EPB41: variants seen among roughly 807,000 people sequenced by gnomAD.
EPB41 encodes the protein protein 4.1.
In EPB41, 65 loss-of-function variants were observed where a neutral mutation model predicts 108.0. The observed-to-expected ratio is 0.60, with a 90% confidence interval of 0.49 to 0.74. The LOEUF (loss-of-function observed/expected upper bound fraction) is 0.74, where lower values mean the gene tolerates loss of function less well. Among genes scored for constraint, EPB41 ranks in the 30% least tolerant of loss-of-function variants. The pLI, the probability that EPB41 is intolerant of heterozygous loss-of-function variation, is 0.00. For synonymous variants in EPB41, 336 were observed against 358.9 expected, an observed-to-expected ratio of 0.94 and a Z score of 0.72; for missense variants, 875 against 1,037.0, an observed-to-expected ratio of 0.84 and a Z score of 2.15.
intron 1 of EPB41, among the ~76,000 whole-genome samples, chr1:28,983,368 A>G (rs986570712): frequency 1.3e-5 from 2 of 152,196 alleles, no homozygotes; most frequent in African/African-American, 4.8e-5. Context: ...GGCATTTTGC[A>G]GTACGTTCTC....
At chr1:29,096,642 C>A in intron 16 of EPB41, 1 of 967,296 alleles carries the variant, frequency 1.0e-6, no homozygotes, top group Non-Finnish European at 1.2e-6. Flanking sequence ...TAATGACTGT[C>A]TTTGGAAGAG....
chr1:28,921,961 T>TATATATATATATATATATATATATATAC (rs770764638), intron 1 of EPB41, among the ~76,000 whole-genome samples: 65 of 109,752 alleles, frequency 5.9e-4, no homozygotes, highest in East Asian at 1.6e-3. Context: ...TATATATATA[T>TATATATATATATATATATATATATATAC]ACACTTTTTT....
At chr1:29,024,564 C>T (rs961892851) in intron 7 of EPB41, among the ~76,000 whole-genome samples, 11 of 151,882 alleles carry the variant, frequency 7.2e-5, no homozygotes, top group Admixed American at 2.0e-4. Flanking sequence ...CCTGGAGGGG[C>T]GGAGGTTGCA....
At chr1:29,033,836 A>C (rs1638364578) in intron 9 of EPB41, among the ~76,000 whole-genome samples, 1 of 152,216 alleles carries the variant, frequency 6.6e-6, no homozygotes, top group African/African-American at 2.4e-5. Flanking sequence ...TAGGAATTAA[A>C]GTTTTTTAAA....
chr1:29,096,535 A>G (rs1663272509), intron 16 of EPB41: 1 of 985,848 alleles, frequency 1.0e-6, no homozygotes, highest in Non-Finnish European at 1.2e-6. Context: ...AGCCACCTGG[A>G]AAACAAAATG....
At chr1:29,055,605 G>C (rs1573227515) in intron 12 of EPB41, among the ~76,000 whole-genome samples, 2 of 150,884 alleles carry the variant, frequency 1.3e-5, no homozygotes, top group South Asian at 4.2e-4. Flanking sequence ...TTGTAATAGT[G>C]GTGGCAGAAT....
At chr1:28,955,887 T>G (rs552264249) in intron 1 of EPB41, among the ~76,000 whole-genome samples, 9 of 152,298 alleles carry the variant, frequency 5.9e-5, no homozygotes, top group Middle Eastern at 3.4e-3. Flanking sequence ...AACAATGACT[T>G]TTCAGAAAAA....
chr1:29,005,887 A>G (rs1186468913), intron 4 of EPB41, among the ~76,000 whole-genome samples: 1 of 152,224 alleles, frequency 6.6e-6, no homozygotes, highest in Non-Finnish European at 1.5e-5. Context: ...TTATTTGGAA[A>G]GTTGTTTTTT....
At chr1:29,070,725 T>G in intron 16 of EPB41, 1 of 1,207,250 alleles carries the variant, frequency 8.3e-7, no homozygotes, top group Non-Finnish European at 1.0e-6. Context: ...TTCACTATCC[T>G]AGGGGAGCTC....
chr1:28,907,199 G>C (rs369391127), intron 1 of EPB41, among the ~76,000 whole-genome samples: 1 of 151,824 alleles, frequency 6.6e-6, no homozygotes, highest in African/African-American at 2.4e-5. Context: ...CAAGTAGCTG[G>C]GATTACAGGT....
Position 29,018,468 on chromosome 1 carries a change from G to A in EPB41, c.1124+26G>A, listed in dbSNP as rs1324830215. 6.9e-6 allele frequency: 11 copies of A among 1,591,508 alleles called. No individual in the cohort carries two copies. The highest frequency in any genetic ancestry group is 1.5e-5 in the African/African-American group (1 of 67,202). On this transcript the variant is annotated intron_variant, in intron 7 of 20. Transcript: ENST00000343067. This position sits in a 1 kb window ranked among gnomAD's most constrained non-coding sequence, Gnocchi z 4.4. ...GTGAATATGTCTCCAGGGTTTGTTC[G>A]GTGTTTGTTTTGGCGATTAGTTTAA...
In EPB41 at chr1:29,043,425, T is replaced by C. The variant is rs2150520021; in HGVS notation, c.1636+3999T>C. ...AGCAGTGCTGTCCCATGGACCTTTC[T>C]GTGCTGATGGAAATCTTTCATTTTG... is the stretch of plus-strand genomic sequence containing the variant. On this transcript the variant is annotated intron_variant, in intron 11 of 20. Coordinates refer to ENST00000343067, the MANE Select transcript of EPB41 (RefSeq NM_001376013.1). 2.0e-5 allele frequency among the ~76,000 whole-genome samples: 3 copies of C among 152,362 alleles called. No homozygotes were observed. In the South Asian group the frequency reaches 6.2e-4, roughly 32 times the overall value.
chr1:29,018,323 T>C lies in EPB41; in HGVS notation c.1005T>C (p.Ser335=). 1 of 1,614,192 alleles carries C rather than the reference T, an allele frequency of 6.2e-7. No individual in the cohort carries two copies. Among genetic ancestry groups the C allele is most frequent in the African/African-American group, 1.3e-5 (1 of 75,042 alleles). Residue 335 remains serine (S), a synonymous_variant, in exon 7 of 21, where the codon TCT becomes TCC. Coordinates refer to ENST00000343067, the MANE Select transcript of EPB41 (RefSeq NM_001376013.1). This position sits in a 1 kb window ranked among gnomAD's most constrained non-coding sequence, Gnocchi z 4.4. The part of the protein sequence containing the change: ...LALLGSYTIQ[S]ELGDYDPELH... ...TATTAGGTTCTTACACCATCCAGTC[T>C]GAACTGGGAGACTACGACCCAGAAC...
chr1:28,972,622 CAG>C (rs1202308315), intron 1 of EPB41, among the ~76,000 whole-genome samples: 1 of 151,390 alleles, frequency 6.6e-6, no homozygotes, highest in Non-Finnish European at 1.5e-5. Flanking sequence ...TTTTTTTAGA[CAG>C]AGTCTTGCTC....
intron 1 of EPB41, among the ~76,000 whole-genome samples, chr1:28,958,875 A>G (rs76988480): frequency 6.6e-6 from 1 of 151,842 alleles, no homozygotes; most frequent in Non-Finnish European, 1.5e-5. Context: ...TGGATATTTA[A>G]GCAAAGCTGT....
At chr1:28,950,058 T>C (rs1461791197) in intron 1 of EPB41, among the ~76,000 whole-genome samples, 1 of 152,222 alleles carries the variant, frequency 6.6e-6, no homozygotes, top group Non-Finnish European at 1.5e-5. Context: ...TGAACATTCA[T>C]GTACCTGTCT....
chr1:28,965,339 A>G (rs569533346), intron 1 of EPB41, among the ~76,000 whole-genome samples: 30 of 152,266 alleles, frequency 2.0e-4, no homozygotes, highest in African/African-American at 7.2e-4. Flanking sequence ...TAATGTTTTC[A>G]TAGAACCTAG....
At chr1:28,999,690 C>T (rs556842057) in intron 4 of EPB41, among the ~76,000 whole-genome samples, 6 of 152,202 alleles carry the variant, frequency 3.9e-5, no homozygotes, top group Admixed American at 6.5e-5. Context: ...CTAGGGCCCA[C>T]GTTGGGACAA....
At chr1:29,000,587 C>T (rs1229308865) in intron 4 of EPB41, among the ~76,000 whole-genome samples, 1 of 152,176 alleles carries the variant, frequency 6.6e-6, no homozygotes, top group Non-Finnish European at 1.5e-5. Flanking sequence ...ACCTCTGAAT[C>T]ATAATCTGGC....
Sources: gnomAD v4.1 joint callset for allele counts (sites outside exome capture counted in the v4.1 genomes callset) on GRCh38, gnomAD v4.1.1 for gene constraint, Gnocchi (gnomAD v3.1) non-coding constraint, MANE v1.5 for transcripts, NCBI Gene and HGNC (gene_info 2026-07-23, HGNC 2026-07-21) for gene names.